LRMDA: variants seen among roughly 807,000 people sequenced by gnomAD.
The protein encoded by LRMDA is leucine rich melanocyte differentiation associated.
LRMDA carries 18 observed loss-of-function variants against 29.8 expected under a neutral mutation model. The observed-to-expected ratio is 0.60, with a 90% CI of 0.42 to 0.90. LRMDA has a LOEUF of 0.90. Ranked by LOEUF, LRMDA falls within the 40% of genes least tolerant of loss-of-function variation. The probability of loss-of-function intolerance (pLI) is 0.00; values close to 1 mark genes in which losing one functional copy is unlikely to be tolerated. For missense variants in LRMDA, 273 were observed against 273.9 expected (o/e 1.00, Z 0.02); for synonymous variants, 125 against 109.4 (o/e 1.14, Z -0.89).
At chr10:76,442,843 A>G (rs1395625083) in intron 6 of LRMDA, among the ~76,000 whole-genome samples, 1 of 152,216 alleles carries the variant, frequency 6.6e-6, no homozygotes, top group Non-Finnish European at 1.5e-5. Context: ...TCTGGTGTTC[A>G]GTTGTCTTCT....
intron 6 of LRMDA, among the ~76,000 whole-genome samples, chr10:76,519,550 AT>A (rs1039525593): frequency 8.5e-5 from 13 of 152,176 alleles, no homozygotes; most frequent in Non-Finnish European, 1.8e-4. Context: ...AAAGAGAAAG[AT>A]TTTGTTTTGG....
intron 5 of LRMDA, among the ~76,000 whole-genome samples, chr10:76,192,751 G>C (rs898418188): frequency 2.0e-5 from 3 of 152,168 alleles, no homozygotes; most frequent in African/African-American, 7.2e-5. Flanking sequence ...AAAAGAGTAG[G>C]ACTAACTTGG....
intron 2 of LRMDA, among the ~76,000 whole-genome samples, chr10:75,573,137 G>C (rs1840457661): frequency 6.6e-6 from 1 of 152,170 alleles, no homozygotes; most frequent in Admixed American, 6.5e-5. Context: ...GGAATTTGCT[G>C]TTACTGGTAA....
chr10:75,587,814 C>T (rs571736994), intron 2 of LRMDA, among the ~76,000 whole-genome samples: 7 of 152,208 alleles, frequency 4.6e-5, no homozygotes, highest in Admixed American at 2.6e-4. Flanking sequence ...GAGTGCCTGT[C>T]GATCCCTGGT....
intron 2 of LRMDA, among the ~76,000 whole-genome samples, chr10:76,001,787 C>T (rs1847567572): frequency 6.6e-6 from 1 of 152,148 alleles, no homozygotes; most frequent in African/African-American, 2.4e-5. Context: ...TGTAGCTCCT[C>T]ATGGATGAAA....
At chr10:75,649,891 C>T (rs1238192124) in intron 2 of LRMDA, among the ~76,000 whole-genome samples, 1 of 152,118 alleles carries the variant, frequency 6.6e-6, no homozygotes, top group Non-Finnish European at 1.5e-5. Context: ...AATGCCTTTA[C>T]ATGTACTTAT....
intron 3 of LRMDA, among the ~76,000 whole-genome samples, chr10:76,040,443 G>A (rs928527794): frequency 2.0e-5 from 3 of 152,088 alleles, no homozygotes; most frequent in Non-Finnish European, 4.4e-5. Flanking sequence ...ATATCTGAAA[G>A]CCTGGTTGTC....
chr10:76,257,523 G>A (rs750844470), intron 5 of LRMDA, among the ~76,000 whole-genome samples: 1 of 150,786 alleles, frequency 6.6e-6, no homozygotes, highest in Non-Finnish European at 1.5e-5. Context: ...TAGTAGAGAC[G>A]GAGTTTCACC....
intron 2 of LRMDA, among the ~76,000 whole-genome samples, chr10:75,633,258 A>G (rs901116924): frequency 1.3e-5 from 2 of 152,200 alleles, no homozygotes; most frequent in African/African-American, 2.4e-5. Flanking sequence ...AGAATGTCCA[A>G]TTTAGAGCCT....
At chr10:75,660,564 C>T (rs150566991) in intron 2 of LRMDA, among the ~76,000 whole-genome samples, 99 of 152,228 alleles carry the variant, frequency 6.5e-4, no homozygotes, top group Middle Eastern at 3.4e-3. Context: ...ATTCATGGGA[C>T]GCCTGACATG....
chr10:76,184,017 C>T (rs1302390111), intron 5 of LRMDA, among the ~76,000 whole-genome samples: 6 of 151,152 alleles, frequency 4.0e-5, no homozygotes, highest in Non-Finnish European at 5.9e-5. Flanking sequence ...CCACCCCACC[C>T]GGCCCTACTT....
At chr10:75,748,791 A>T (rs893933976) in intron 2 of LRMDA, among the ~76,000 whole-genome samples, 1 of 152,244 alleles carries the variant, frequency 6.6e-6, no homozygotes, top group African/African-American at 2.4e-5. Context: ...ATAATGTTCA[A>T]TATAAGACTC....
At chr10:76,200,147 A>T (rs1449417531) in intron 5 of LRMDA, among the ~76,000 whole-genome samples, 9 of 151,900 alleles carry the variant, frequency 5.9e-5, no homozygotes, top group African/African-American at 2.2e-4. Flanking sequence ...TATTTTTAGT[A>T]GAGATGATGT....
chr10:76,409,875 A>G (rs1219368165), intron 6 of LRMDA, among the ~76,000 whole-genome samples: 1 of 152,210 alleles, frequency 6.6e-6, no homozygotes, highest in Non-Finnish European at 1.5e-5. Flanking sequence ...ATCTACAAAA[A>G]CAAATTTATG....
At chr10:75,874,064 C>T (rs1235650556) in intron 2 of LRMDA, among the ~76,000 whole-genome samples, 1 of 152,182 alleles carries the variant, frequency 6.6e-6, no homozygotes, top group African/African-American at 2.4e-5. Flanking sequence ...CCTATACTTA[C>T]CACATCCCAC....
intron 2 of LRMDA, among the ~76,000 whole-genome samples, chr10:75,590,504 G>C (rs1396480300): frequency 3.3e-5 from 5 of 152,124 alleles, no homozygotes; most frequent in Non-Finnish European, 7.3e-5. Flanking sequence ...AACAGTTGGG[G>C]AGTCAGATAG....
chr10:75,928,169 G>A (rs1240347558), intron 2 of LRMDA, among the ~76,000 whole-genome samples: 2 of 152,110 alleles, frequency 1.3e-5, no homozygotes, highest in African/African-American at 2.4e-5. Flanking sequence ...CTTGGGGTGG[G>A]GGGTGAATTC....
At chr10:75,819,509 C>G (rs1462371998) in intron 2 of LRMDA, among the ~76,000 whole-genome samples, 1 of 152,104 alleles carries the variant, frequency 6.6e-6, no homozygotes, top group African/African-American at 2.4e-5. Context: ...CCTCAGATAC[C>G]TTTAAAATTG....
chr10:75,606,899 A>T (rs1409109316), intron 2 of LRMDA, among the ~76,000 whole-genome samples: 1 of 152,154 alleles, frequency 6.6e-6, no homozygotes, highest in Non-Finnish European at 1.5e-5. Context: ...GAGGGAAAGG[A>T]TGTTATGATA....
Sources: allele counts gnomAD v4.1 joint callset (sites outside exome capture counted in the v4.1 genomes callset), GRCh38; gene constraint gnomAD v4.1.1; transcripts MANE v1.5; gene names NCBI Gene and HGNC (gene_info 2026-07-23, HGNC 2026-07-21).